Variants in RBMS1 observed in about 807,000 individuals in gnomAD.
RBMS1 encodes the protein RNA binding motif single stranded interacting protein 1.
Under a neutral mutation model 62.3 loss-of-function variants are expected in RBMS1, and 17 were observed. The observed-to-expected ratio is 0.27, with a 90% CI of 0.19 to 0.41. RBMS1 has a LOEUF of 0.41. Ranked by LOEUF, RBMS1 falls within the 10% of genes least tolerant of loss-of-function variation. The pLI, the probability that RBMS1 is intolerant of heterozygous loss-of-function variation, is 1.00. For missense variants in RBMS1, 334 were observed against 504.5 expected, an observed-to-expected ratio of 0.66 and a Z score of 3.24; for synonymous variants, 172 against 170.0, an observed-to-expected ratio of 1.01 and a Z score of -0.09.
intron 1 of RBMS1, among the ~76,000 whole-genome samples, chr2:160,368,003 C>G (rs1447057796): frequency 1.3e-5 from 2 of 152,298 alleles, no homozygotes; most frequent in East Asian, 1.9e-4. Context: ...GGTGTCCAAG[C>G]TGGAAAACTT....
chr2:160,358,962 A>T (rs1326203661), intron 2 of RBMS1, among the ~76,000 whole-genome samples: 2 of 152,174 alleles, frequency 1.3e-5, no homozygotes, highest in Admixed American at 1.3e-4. Flanking sequence ...AAAACAGAAA[A>T]TTCAAACAAC....
intron 1 of RBMS1, among the ~76,000 whole-genome samples, chr2:160,374,389 T>C (rs911955694): frequency 1.2e-4 from 18 of 152,284 alleles, no homozygotes; most frequent in African/African-American, 4.3e-4. Flanking sequence ...AGCCAGAGAA[T>C]TACCCTGGTT....
intron 6 of RBMS1, among the ~76,000 whole-genome samples, chr2:160,296,194 T>TC (rs1200699489): frequency 6.6e-6 from 1 of 152,210 alleles, no homozygotes; most frequent in Non-Finnish European, 1.5e-5. Context: ...CCATTTTTTT[T>TC]CAACTCTACT....
chr2:160,468,899 C>G (rs1684804324), intron 1 of RBMS1, among the ~76,000 whole-genome samples: 2 of 152,112 alleles, frequency 1.3e-5, no homozygotes, highest in Admixed American at 1.3e-4. Context: ...TTGCCTTTAC[C>G]CATGGATAGG....
intron 2 of RBMS1, among the ~76,000 whole-genome samples, chr2:160,351,376 G>C (rs531692367): frequency 6.6e-6 from 1 of 151,964 alleles, no homozygotes; most frequent in South Asian, 2.1e-4. Context: ...CCTCACAGGA[G>C]GTTTAAAAGT....
At chr2:160,492,267 T>C (rs1409619588) in intron 1 of RBMS1, among the ~76,000 whole-genome samples, 1 of 152,184 alleles carries the variant, frequency 6.6e-6, no homozygotes, top group African/African-American at 2.4e-5. Context: ...TCCCAAATTC[T>C]GGCGGCTGCT....
intron 6 of RBMS1, among the ~76,000 whole-genome samples, chr2:160,290,219 C>T (rs1688609962): frequency 6.7e-6 from 1 of 150,318 alleles, no homozygotes; most frequent in South Asian, 2.2e-4. Context: ...GTAGCTTGTT[C>T]TATAGAGCGT....
intron 1 of RBMS1, among the ~76,000 whole-genome samples, chr2:160,477,361 A>C (rs6710938): frequency 0.25 from 37,557 of 152,068 alleles, 4,965 homozygotes; most frequent in African/African-American, 0.32. Flanking sequence ...ACAACAACAA[A>C]AAAAAATTAA....
chr2:160,317,046 C>G (rs1690265241), intron 3 of RBMS1, among the ~76,000 whole-genome samples: 1 of 152,178 alleles, frequency 6.6e-6, no homozygotes, highest in Admixed American at 6.5e-5. Context: ...GGGTACCACT[C>G]TACATAAAGC....
chr2:160,408,160 C>A (rs1189056013), intron 1 of RBMS1, among the ~76,000 whole-genome samples: 1 of 151,820 alleles, frequency 6.6e-6, no homozygotes, highest in Non-Finnish European at 1.5e-5. Context: ...TAGCCAACCC[C>A]CCTCCTCTGT....
chr2:160,393,183 A>G (rs145638290), intron 1 of RBMS1, among the ~76,000 whole-genome samples: 1 of 152,206 alleles, frequency 6.6e-6, no homozygotes, highest in African/African-American at 2.4e-5. Flanking sequence ...GTTTCTATAC[A>G]GGAAACAAAT....
At chr2:160,351,627 T>A (rs1692514581) in intron 2 of RBMS1, among the ~76,000 whole-genome samples, 1 of 152,092 alleles carries the variant, frequency 6.6e-6, no homozygotes, top group African/African-American at 2.4e-5. Context: ...CTAGAAATCA[T>A]GATTTTGAGT....
At chr2:160,286,350 C>T (rs1322844367) in intron 7 of RBMS1, among the ~76,000 whole-genome samples, 6 of 135,976 alleles carry the variant, frequency 4.4e-5, no homozygotes, top group African/African-American at 8.3e-5. Context: ...GATGGAGTCT[C>T]GCTCTGTTGC....
rs1440748885 is a variant in RBMS1, at chr2:160,313,582, G to A, written c.311-335C>T. Among the ~76,000 whole-genome samples, 3 of 151,674 alleles carry A rather than the reference G, an allele frequency of 2.0e-5. No homozygotes were observed. In the East Asian group the frequency reaches 5.8e-4, roughly 29 times the overall value. ...AAAAAGAAATTTAAAAAAAAAGGAA[G>A]AAAAAAAATAATCAACTTCAGGGAA... is the stretch of plus-strand genomic sequence containing the variant. On this transcript the variant is annotated intron_variant, in intron 3 of 13. Coordinates refer to ENST00000348849, the MANE Select transcript of RBMS1 (RefSeq NM_016836.4).
intron 1 of RBMS1, among the ~76,000 whole-genome samples, chr2:160,433,380 C>T (rs555647391): frequency 2.6e-4 from 40 of 152,216 alleles, no homozygotes; most frequent in Non-Finnish European, 5.0e-4. Context: ...TGCCACTGCA[C>T]GTTAGCCTGG....
rs745787513 is a variant in RBMS1 at position 160,287,128 on chromosome 2, G to A, written c.641-44C>T. The stretch of plus-strand genomic sequence containing the variant: ...ATAAAATGAAACCACAATGATACGT[G>A]TATGTGGATGACAAAATGTATTACA... On this transcript the variant is annotated intron_variant, in intron 6 of 13. Coordinates refer to ENST00000348849, the MANE Select transcript of RBMS1 (RefSeq NM_016836.4). 4 of 1,603,352 alleles carry A rather than the reference G, an allele frequency of 2.5e-6. No individual in the cohort carries two copies. In the South Asian group the frequency reaches 4.4e-5, roughly 18 times the overall value.
chr2:160,373,884 C>G (rs1693860226), intron 1 of RBMS1, among the ~76,000 whole-genome samples: 1 of 151,966 alleles, frequency 6.6e-6, no homozygotes, highest in South Asian at 2.1e-4. Flanking sequence ...AAGGGAAGAT[C>G]AGGGAGGAGG....
intron 11 of RBMS1, chr2:160,278,096 C>T (rs1338610030): frequency 5.8e-6 from 1 of 171,330 alleles, no homozygotes; most frequent in African/African-American, 2.4e-5. Flanking sequence ...CCAGCTCAAC[C>T]TCATTACCCA....
chr2:160,297,537 A>G (rs1689001540), intron 6 of RBMS1, among the ~76,000 whole-genome samples: 1 of 152,236 alleles, frequency 6.6e-6, no homozygotes, highest in South Asian at 2.1e-4. Flanking sequence ...ACTTTCAAGG[A>G]GCTTCTAGTT....
Sources: gnomAD v4.1 joint callset for allele counts (sites outside exome capture counted in the v4.1 genomes callset) on GRCh38, gnomAD v4.1.1 for gene constraint, MANE v1.5 for transcripts, NCBI Gene and HGNC (gene_info 2026-07-23, HGNC 2026-07-21) for gene names.